The following ADRA1D variants were observed in gnomAD, a reference collection of about 807,000 sequenced individuals.
ADRA1D encodes the protein adrenoceptor alpha 1D.
A neutral mutation model predicts 18.6 loss-of-function variants in ADRA1D; 22 were observed. The ratio of observed to expected loss-of-function variants is 1.19; its 90% CI spans 0.85 to 1.69. ADRA1D has a LOEUF of 1.69. ADRA1D is among the 40% of genes most tolerant of loss of function. The probability of loss-of-function intolerance (pLI) is 0.00; values close to 1 mark genes in which losing one functional copy is unlikely to be tolerated. For synonymous variants in ADRA1D, 376 were observed against 388.2 expected, an observed-to-expected ratio of 0.97 and a Z score of 0.37; for missense variants, 840 against 840.7, an observed-to-expected ratio of 1.00 and a Z score of 0.01.
chr20:4,240,899 AGG>A (rs1981196380), intron 1 of ADRA1D, among the ~76,000 whole-genome samples: 1 of 152,206 alleles, frequency 6.6e-6, no homozygotes. Flanking sequence ...ACAGGTACAC[AGG>A]GGTTCATTAT....
At chr20:4,230,869 G>A (rs974865296) in intron 1 of ADRA1D, among the ~76,000 whole-genome samples, 1 of 152,218 alleles carries the variant, frequency 6.6e-6, no homozygotes, top group African/African-American at 2.4e-5. Flanking sequence ...GCAGCCCCAG[G>A]TCAGGTGTCT....
In ADRA1D at chr20:4,222,833, G is replaced by A. The variant is rs574337634; in HGVS notation, c.1112-703C>T. On this transcript the variant is annotated intron_variant, in intron 1 of 1. Transcript: ENST00000379453. This position sits in a 1 kb window ranked among gnomAD's most constrained non-coding sequence, Gnocchi z 4.3. ...TATATAAACAGTAGATTAAACTACT[G>A]TGCTGGAGCAGTCTAATATAACCTC... is the stretch of plus-strand genomic sequence containing the variant. Among the ~76,000 whole-genome samples, 3 of 152,330 alleles carry A rather than the reference G, an allele frequency of 2.0e-5. No individual in the cohort carries two copies. The South Asian group carries it at 6.2e-4, about 32-fold the overall frequency.
intron 1 of ADRA1D, among the ~76,000 whole-genome samples, chr20:4,237,256 C>T (rs929321125): frequency 6.6e-6 from 1 of 151,932 alleles, no homozygotes. Context: ...AATTTTGAGA[C>T]CCCTAGCTAG....
Position 4,248,293 on chromosome 20 carries a change from A to C in ADRA1D, c.665T>G (p.Val222Gly). ...CCCTACGGACACCACCAGGGCTACG[A>C]CCCAGAGCAGGGCCAGGATGGCGGC... The part of the protein sequence containing the change: ...KAAAILALLW[V>G]VALVVSVGPL... Residue 222 changes from valine to glycine, a missense_variant, in exon 1 of 2, where the codon GTC becomes GGC. Transcript: ENST00000379453. 1 of 1,608,314 alleles carries C rather than the reference A, an allele frequency of 6.2e-7. No homozygotes were observed. Among genetic ancestry groups the C allele is most frequent in the Non-Finnish European group, 8.5e-7 (1 of 1,177,688 alleles).
At chr20:4,226,953 G>A (rs1487140902) in intron 1 of ADRA1D, among the ~76,000 whole-genome samples, 1 of 152,096 alleles carries the variant, frequency 6.6e-6, no homozygotes, top group Non-Finnish European at 1.5e-5. Context: ...CCCTGCACTT[G>A]CCCACTCTCT....
At chr20:4,224,714 T>TGTTCC (rs1980751880) in intron 1 of ADRA1D, among the ~76,000 whole-genome samples, 5 of 135,612 alleles carry the variant, frequency 3.7e-5, no homozygotes, top group South Asian at 2.5e-4. Flanking sequence ...AGGCCAGGGG[T>TGTTCC]AGGGGGGGGT....
In ADRA1D at chr20:4,221,416, A is replaced by C; in HGVS notation, c.*107T>G. The C allele has an allele frequency of 8.2e-7, 1 of 1,217,164 alleles. No homozygotes were observed. Among genetic ancestry groups the C allele is most frequent in the Non-Finnish European group, 1.2e-6 (1 of 866,606 alleles). The allele number at this position is 1,217,164 out of a possible 1,614,324, so 75.4% of individuals were successfully genotyped here. A position where few individuals can be genotyped will look rare whatever the true frequency, so the allele number is the denominator to read the frequency against. ...ATGTCACAGAGCAGCTGCCCTGATC[A>C]GTTTCCGGGTCTCCGATTTGCACGG... On this transcript the variant is annotated 3_prime_UTR_variant, in exon 2 of 2. Coordinates refer to ENST00000379453, the MANE Select transcript of ADRA1D (RefSeq NM_000678.4).
chr20:4,243,099 C>T (rs1389697094), intron 1 of ADRA1D, among the ~76,000 whole-genome samples: 1 of 152,092 alleles, frequency 6.6e-6, no homozygotes, highest in Non-Finnish European at 1.5e-5. Context: ...CTCACACCCG[C>T]AGGGAGGATG....
rs1211075456 is a variant in ADRA1D, at chr20:4,247,853, G to T, written c.1105C>A (p.Pro369Thr). Reference sequence around the variant, plus strand: ...TGGGAGAGGGGTCACTCACCGAGCGGCAGGACAAAGAAGAAAGGGAACCAG... The same window carrying T: ...TGGGAGAGGGGTCACTCACCGAGCGTCAGGACAAAGAAGAAAGGGAACCAG... ...LCWFPFFFVLPLGSLFPQLKP... is the reference protein window; with the variant it reads ...LCWFPFFFVLTLGSLFPQLKP... The change falls in exon 1 of 2, where the codon CCG becomes ACG. Residue 369 changes from proline (P) to threonine (T), a missense_variant. Pro to Thr is a conservative substitution (Grantham distance 38). Coordinates refer to ENST00000379453, the MANE Select transcript of ADRA1D (RefSeq NM_000678.4). 1 of 1,548,072 alleles carries T rather than the reference G, an allele frequency of 6.5e-7. No individual in the cohort carries two copies. The highest frequency in any genetic ancestry group is 2.0e-5 in the Admixed American group (1 of 51,116).
chr20:4,221,463 G>T lies in ADRA1D; in HGVS notation c.*60C>A. On this transcript the variant is annotated 3_prime_UTR_variant, in exon 2 of 2. Coordinates refer to ENST00000379453, the MANE Select transcript of ADRA1D (RefSeq NM_000678.4). Reference sequence around the variant, plus strand: ...ACGGGGGCTCTTAGAACACCAGCCCGCCTCTCTGGTCCCCCTTACCCCCAA... The same window carrying T: ...ACGGGGGCTCTTAGAACACCAGCCCTCCTCTCTGGTCCCCCTTACCCCCAA... 1 of 1,519,612 alleles carries T rather than the reference G, an allele frequency of 6.6e-7. No individual in the cohort carries two copies. The highest frequency in any genetic ancestry group is 2.0e-5 in the Admixed American group (1 of 49,584). 94.1% of individuals were successfully genotyped at this position (1,519,612 alleles called of 1,614,324 possible).
At chr20:4,225,424 C>CTTTT (rs1488671448) in intron 1 of ADRA1D, among the ~76,000 whole-genome samples, 1 of 91,422 alleles carries the variant, frequency 1.1e-5, no homozygotes, top group Non-Finnish European at 2.2e-5. Flanking sequence ...TTTTTTTTTT[C>CTTTT]TTTCTTTTTT....
Position 4,248,902 on chromosome 20 carries a change from C to G in ADRA1D, c.56G>C (p.Ser19Thr). 12 of 1,306,568 alleles carry G rather than the reference C, an allele frequency of 9.2e-6. No homozygotes were observed. Among genetic ancestry groups the G allele is most frequent in the Non-Finnish European group, 1.2e-5 (12 of 1,014,894 alleles). 80.9% of individuals were successfully genotyped at this position (1,306,568 alleles called of 1,614,324 possible). A position where few individuals can be genotyped will look rare whatever the true frequency, so the allele number is the denominator to read the frequency against. The stretch of plus-strand genomic sequence containing the variant: ...GCCGCCCGCGCTGGAGCCCCCTGCG[C>G]TGCTGTCCGGGCGGGGTCCCTCGAA... ...VSFEGPRPDS[S>T]AGGSSAGGGG... is the part of the protein sequence containing the mutation. Residue 19 changes from serine to threonine, a missense_variant, in exon 1 of 2, where the codon AGC becomes ACC. Transcript: ENST00000379453.
chr20:4,231,475 C>A (rs1204870157), intron 1 of ADRA1D, among the ~76,000 whole-genome samples: 1 of 151,966 alleles, frequency 6.6e-6, no homozygotes, highest in Admixed American at 6.6e-5. Flanking sequence ...TTCTTTTTAT[C>A]CCAGCCTCTA....
At chr20:4,226,808 C>A (rs1203684510) in intron 1 of ADRA1D, among the ~76,000 whole-genome samples, 2 of 152,230 alleles carry the variant, frequency 1.3e-5, no homozygotes, top group South Asian at 4.1e-4. Flanking sequence ...CCTGGAAATA[C>A]AAACAATCTG....
At chr20:4,232,196 T>C (rs1980987211) in intron 1 of ADRA1D, among the ~76,000 whole-genome samples, 1 of 152,162 alleles carries the variant, frequency 6.6e-6, no homozygotes, top group Non-Finnish European at 1.5e-5. Context: ...TTACAGGCAT[T>C]CGCCACTGCG....
intron 1 of ADRA1D, among the ~76,000 whole-genome samples, chr20:4,231,058 CTT>C (rs1326062957): frequency 1.1e-5 from 1 of 92,842 alleles, no homozygotes; most frequent in Non-Finnish European, 2.1e-5. Flanking sequence ...TTCTTTCTTT[CTT>C]TCTTTCTCTC....
chr20:4,221,738 G>GC lies in ADRA1D; in HGVS notation c.1503dup (p.Pro502AlafsTer87). On this transcript the variant is annotated frameshift_variant, in exon 2 of 2. Transcript: ENST00000379453. LOFTEE classifies it low-confidence loss of function (END_TRUNC). Reference sequence around the variant, plus strand: ...AGCTGGGTCGTGGGTCTCCGGAACGGCCCCAGCAGCCTCCACTCGCGGAAG... The same window carrying GC: ...AGCTGGGTCGTGGGTCTCCGGAACGGCCCCCAGCAGCCTCCACTCGCGGAAG... 6.2e-7 allele frequency: 1 copy of GC among 1,603,436 alleles called. No homozygotes were observed. The highest frequency in any genetic ancestry group is 8.5e-7 in the Non-Finnish European group (1 of 1,177,312).
At chr20:4,247,729 G>A (rs2122681218) in intron 1 of ADRA1D, 118 bp downstream of exon 1, 16 of 1,211,866 alleles carry the variant, frequency 1.3e-5, no homozygotes, top group Non-Finnish European at 1.8e-5. Flanking sequence ...AGGAGACTCA[G>A]GACTTGCTAA....
intron 1 of ADRA1D, among the ~76,000 whole-genome samples, chr20:4,231,093 T>TC (rs1980957088): frequency 8.9e-6 from 1 of 111,902 alleles, no homozygotes; most frequent in Non-Finnish European, 1.7e-5. Flanking sequence ...TTTTCTTTTC[T>TC]TTTCTTTCTT....
Sources: gnomAD v4.1 joint callset for allele counts (sites outside exome capture counted in the v4.1 genomes callset) on GRCh38, gnomAD v4.1.1 for gene constraint, Gnocchi (gnomAD v3.1) non-coding constraint, MANE v1.5 for transcripts, NCBI Gene and HGNC (gene_info 2026-07-23, HGNC 2026-07-21) for gene names.